The following PCNX4 variants were observed in gnomAD, a reference collection of about 807,000 sequenced individuals.
PCNX4 encodes the protein pecanex 4.
A neutral mutation model predicts 107.2 loss-of-function variants in PCNX4; 103 were observed. The observed-to-expected ratio is 0.96, with a 90% CI of 0.82 to 1.13. The LOEUF is 1.13. Among genes scored for constraint, PCNX4 ranks in the 50% most tolerant of loss-of-function variants. The pLI, the probability that PCNX4 is intolerant of heterozygous loss-of-function variation, is 0.00. For missense variants in PCNX4, 1,528 were observed against 1,379.4 expected, an observed-to-expected ratio of 1.11 and a Z score of -1.71; for synonymous variants, 541 against 481.7, an observed-to-expected ratio of 1.12 and a Z score of -1.61.
Position 60,118,553 on chromosome 14 carries a change from G to A in PCNX4, c.1803G>A (p.Val601=). The A allele has an allele frequency of 6.2e-7, 1 of 1,613,688 alleles. No homozygotes were observed. Among genetic ancestry groups the A allele is most frequent in the Non-Finnish European group, 8.5e-7 (1 of 1,179,832 alleles). ...TTTTCACCCTTCCTGTGTTCTTGGT[G>A]GGGTTTCCCCGACCTATTCAGAGTT... ...LPLFTLPVFL[V]GFPRPIQSWP... Residue 601 remains valine, a synonymous_variant, in exon 7 of 11, where the codon GTG becomes GTA. Coordinates refer to ENST00000406854, the MANE Select transcript of PCNX4 (RefSeq NM_001330177.2).
At chr14:60,098,588 G>A (rs1395951611) in intron 1 of PCNX4, among the ~76,000 whole-genome samples, 5 of 152,066 alleles carry the variant, frequency 3.3e-5, no homozygotes, top group Non-Finnish European at 7.4e-5. Flanking sequence ...TGGGGAGCGG[G>A]GTGCTTACCA....
At chr14:60,130,141 T>TAGCC (rs1242427022) in intron 10 of PCNX4, among the ~76,000 whole-genome samples, 1 of 151,922 alleles carries the variant, frequency 6.6e-6, no homozygotes, top group African/African-American at 2.4e-5. Flanking sequence ...AGTTCAAGAC[T>TAGCC]AGCCTGGGCA....
At chr14:60,133,525 G>C (rs543152334) in intron 10 of PCNX4, 1 of 380,034 alleles carries the variant, frequency 2.6e-6, no homozygotes, top group African/African-American at 2.1e-5. Context: ...ATGGTTGCAC[G>C]TATCTGTGAC....
intron 1 of PCNX4, among the ~76,000 whole-genome samples, chr14:60,106,894 A>G (rs372369559): frequency 2.0e-5 from 3 of 152,328 alleles, no homozygotes; most frequent in East Asian, 3.9e-4. Context: ...GAATAGGGAA[A>G]AGTTGAACTG....
At chr14:60,096,261 CTA>C (rs1895423145) in intron 1 of PCNX4, among the ~76,000 whole-genome samples, 1 of 152,178 alleles carries the variant, frequency 6.6e-6, no homozygotes, top group South Asian at 2.1e-4. Flanking sequence ...TGCCGTGAGT[CTA>C]TGTAAAGCCA....
chr14:60,111,841 A>G (rs1285059434), intron 2 of PCNX4, among the ~76,000 whole-genome samples: 1 of 152,164 alleles, frequency 6.6e-6, no homozygotes, highest in African/African-American at 2.4e-5. Context: ...GCCAGTCCCC[A>G]CATCTATTTT....
intron 1 of PCNX4, among the ~76,000 whole-genome samples, chr14:60,104,201 C>T (rs1248031277): frequency 6.6e-6 from 1 of 151,792 alleles, no homozygotes; most frequent in Non-Finnish European, 1.5e-5. Flanking sequence ...CACCTGTAAT[C>T]CCAGCTACTC....
At chr14:60,114,032 C>G (rs1457607531) in intron 2 of PCNX4, among the ~76,000 whole-genome samples, 1 of 152,140 alleles carries the variant, frequency 6.6e-6, no homozygotes, top group Non-Finnish European at 1.5e-5. Flanking sequence ...CATACCACTG[C>G]TTATACAAAA....
At chr14:60,127,826 G>A (rs148860111) in intron 10 of PCNX4, among the ~76,000 whole-genome samples, 230 of 152,324 alleles carry the variant, frequency 1.5e-3, no homozygotes, top group African/African-American at 5.1e-3. Context: ...AGATTTCATA[G>A]TAGTCATTAT....
intron 2 of PCNX4, among the ~76,000 whole-genome samples, chr14:60,111,865 G>T (rs1463204144): frequency 6.6e-6 from 1 of 152,094 alleles, no homozygotes; most frequent in Non-Finnish European, 1.5e-5. Flanking sequence ...AGAAGAAAAT[G>T]ACTAGTTTAT....
rs1595183894 is a variant in PCNX4, at chr14:60,138,068, G to A, written c.*3847G>A. The A allele has an allele frequency of 6.6e-6, 1 of 151,832 alleles. No individual in the cohort carries two copies. The highest frequency in any genetic ancestry group is 1.9e-4 in the East Asian group (1 of 5,198). 9.4% of individuals were successfully genotyped at this position (151,832 alleles called of 1,614,324 possible). On this transcript the variant is annotated 3_prime_UTR_variant, in exon 11 of 11. Coordinates refer to ENST00000406854, the MANE Select transcript of PCNX4 (RefSeq NM_001330177.2). ...ATCATGCCACTGCACTCCAGCCTGG[G>A]CGACAGAGCGAGACTCCATCTCAAA...
chr14:60,130,134 TCA>T (rs1896128293), intron 10 of PCNX4, among the ~76,000 whole-genome samples: 1 of 151,940 alleles, frequency 6.6e-6, no homozygotes, highest in South Asian at 2.1e-4. Flanking sequence ...GTCCAGGAGT[TCA>T]AGACTAGCCT....
rs2140574793 is a variant in PCNX4 at position 60,137,747 on chromosome 14, A to G, written c.*3526A>G. On this transcript the variant is annotated 3_prime_UTR_variant, in exon 11 of 11. Coordinates refer to ENST00000406854, the MANE Select transcript of PCNX4 (RefSeq NM_001330177.2). Reference sequence around the variant, plus strand: ...CAGAAAATCAGAAACTATATAGAAGAATCAATCAACAAGTCCCCAACTTAA... The same window carrying G: ...CAGAAAATCAGAAACTATATAGAAGGATCAATCAACAAGTCCCCAACTTAA... 6.6e-6 allele frequency: 1 copy of G among 152,260 alleles called. No individual in the cohort carries two copies. Among genetic ancestry groups the G allele is most frequent in the East Asian group, 1.9e-4 (1 of 5,188 alleles). The allele number at this position is 152,260 out of a possible 1,614,324, so 9.4% of individuals were successfully genotyped here.
At chr14:60,098,058 A>G (rs777254315) in intron 1 of PCNX4, among the ~76,000 whole-genome samples, 11 of 152,158 alleles carry the variant, frequency 7.2e-5, no homozygotes, top group Non-Finnish European at 1.6e-4. Flanking sequence ...ACCAAAATCC[A>G]AAGGGCATCA....
intron 2 of PCNX4, chr14:60,109,058 T>G (rs1377145056): frequency 3.0e-5 from 5 of 166,892 alleles, no homozygotes; most frequent in Non-Finnish European, 5.9e-5. Context: ...GGGAGGTAAT[T>G]AGGTCATGAA....
Position 60,134,394 on chromosome 14 carries a change from A to T in PCNX4, c.*173A>T. 1 of 718,596 alleles carries T rather than the reference A, an allele frequency of 1.4e-6. No homozygotes were observed. The highest frequency in any genetic ancestry group is 2.2e-5 in the South Asian group (1 of 46,090). The allele number at this position is 718,596 out of a possible 1,614,324, so 44.5% of individuals were successfully genotyped here. ...AGCCATCTTAATGGTTCTAAAAAAC[A>T]GCAAAAACATCTTTATGTCTAAGAT... On this transcript the variant is annotated 3_prime_UTR_variant, in exon 11 of 11. Coordinates refer to ENST00000406854, the MANE Select transcript of PCNX4 (RefSeq NM_001330177.2).
intron 4 of PCNX4, 88 bp from the exon 5 acceptor site, chr14:60,115,631 C>A: frequency 7.3e-7 from 1 of 1,367,526 alleles, no homozygotes; most frequent in South Asian, 1.3e-5. Context: ...TAAATGTGCT[C>A]ATAAAAAATG....
At chr14:60,100,860 G>T (rs951593975) in intron 1 of PCNX4, among the ~76,000 whole-genome samples, 1 of 152,202 alleles carries the variant, frequency 6.6e-6, no homozygotes, top group Non-Finnish European at 1.5e-5. Context: ...GCCCTGCAAA[G>T]TCTCTTGTGG....
In PCNX4 at chr14:60,108,054, A is replaced by G. The variant is rs1204165671; in HGVS notation, c.416A>G (p.Asn139Ser). Reference protein sequence around the residue: ...FLIPGKKYVANTVFHSILAGL... With the variant: ...FLIPGKKYVASTVFHSILAGL... ...ATTCCTGGCAAGAAATATGTAGCCA[A>G]TACAGTTTTTCATTCTATTCTTGCT... Residue 139 changes from asparagine to serine, a missense_variant, in exon 2 of 11, where the codon AAT becomes AGT. By Grantham distance (46) the Asn-to-Ser change is conservative. Transcript: ENST00000406854. 6 of 1,612,874 alleles carry G rather than the reference A, an allele frequency of 3.7e-6. No homozygotes were observed. In the South Asian group the frequency reaches 4.4e-5, roughly 12 times the overall value.
Sources: gnomAD v4.1 joint callset for allele counts (sites outside exome capture counted in the v4.1 genomes callset) on GRCh38, gnomAD v4.1.1 for gene constraint, MANE v1.5 for transcripts, NCBI Gene and HGNC (gene_info 2026-07-23, HGNC 2026-07-21) for gene names.